The following BBX variants were observed in gnomAD, a reference collection of about 807,000 sequenced individuals.
The protein encoded by BBX is HMG box transcription factor BBX.
Under a neutral mutation model 100.2 loss-of-function variants are expected in BBX, and 30 were observed. The ratio of observed to expected loss-of-function variants is 0.30; its 90% CI spans 0.22 to 0.41. The LOEUF is 0.41. BBX is among the 10% of genes least tolerant of loss of function. The pLI is 1.00. For synonymous variants in BBX, 376 were observed against 388.1 expected (o/e 0.97, Z 0.37); for missense variants, 1,023 against 1,129.8 (o/e 0.91, Z 1.35).
chr3:107,587,657 C>T (rs2052961105), intron 2 of BBX, among the ~76,000 whole-genome samples: 1 of 152,060 alleles, frequency 6.6e-6, no homozygotes, highest in Non-Finnish European at 1.5e-5. Context: ...TAGTCGGGAT[C>T]GTGACTTAAC....
chr3:107,742,444 A>C (rs1358951910), intron 7 of BBX, among the ~76,000 whole-genome samples: 1 of 151,898 alleles, frequency 6.6e-6, no homozygotes, highest in East Asian at 1.9e-4. Flanking sequence ...CTGGCTCCTA[A>C]TTTTGTGCTG....
chr3:107,567,378 G>A (rs939587289), intron 2 of BBX, among the ~76,000 whole-genome samples: 3 of 152,020 alleles, frequency 2.0e-5, no homozygotes, highest in African/African-American at 7.2e-5. Flanking sequence ...TTGTCAAGTT[G>A]TGTTATGGGT....
chr3:107,642,325 G>A (rs2057262152), intron 2 of BBX, among the ~76,000 whole-genome samples: 1 of 152,146 alleles, frequency 6.6e-6, no homozygotes, highest in African/African-American at 2.4e-5. Context: ...TCAACATGTA[G>A]TATATAAAAT....
intron 2 of BBX, among the ~76,000 whole-genome samples, chr3:107,635,558 A>C (rs752429867): frequency 2.6e-5 from 4 of 152,236 alleles, no homozygotes; most frequent in Non-Finnish European, 4.4e-5. Context: ...ATGTGTAGTA[A>C]AAATTTCAAA....
chr3:107,663,906 C>T (rs988637054), intron 3 of BBX, among the ~76,000 whole-genome samples: 2 of 151,460 alleles, frequency 1.3e-5, no homozygotes, highest in Non-Finnish European at 1.5e-5. Context: ...CCCGGGTTCA[C>T]GCCATCCTCC....
At chr3:107,576,477 G>T in intron 2 of BBX, among the ~76,000 whole-genome samples, 1 of 152,084 alleles carries the variant, frequency 6.6e-6, no homozygotes, top group Non-Finnish European at 1.5e-5. Flanking sequence ...CTGACTTTGG[G>T]CAGTTTCTCA....
intron 3 of BBX, chr3:107,661,961 T>A: frequency 1.1e-6 from 1 of 935,788 alleles, no homozygotes; most frequent in Non-Finnish European, 1.3e-6. Context: ...CATTCAGCAT[T>A]TGTTAAGTGA....
At chr3:107,650,421 G>A (rs2057774146) in intron 3 of BBX, among the ~76,000 whole-genome samples, 1 of 151,538 alleles carries the variant, frequency 6.6e-6, no homozygotes, top group South Asian at 2.1e-4. Context: ...TGGAAAAATT[G>A]TCTTCCATGA....
In BBX at chr3:107,742,609, T is replaced by C. The variant is rs553768891; in HGVS notation, c.670-2021T>C. 4.8e-4 allele frequency among the ~76,000 whole-genome samples: 73 copies of C among 152,340 alleles called. 1 individual carries two copies. In the Middle Eastern group the frequency reaches 0.01, roughly 21 times the overall value. ...TTTAGCCATTGGATAGCATTTGTTG[T>C]ACTCCTGGCCAGGTCACTGAGATTC... On this transcript the variant is annotated intron_variant, in intron 7 of 17. Transcript: ENST00000325805.
At chr3:107,757,557 C>CT (rs1452046053) in intron 10 of BBX, among the ~76,000 whole-genome samples, 1 of 152,076 alleles carries the variant, frequency 6.6e-6, no homozygotes, top group Non-Finnish European at 1.5e-5. Context: ...AAAAAGAAAA[C>CT]TTTCTGGCAT....
At chr3:107,549,454 G>C (rs2049494008) in intron 2 of BBX, among the ~76,000 whole-genome samples, 1 of 152,144 alleles carries the variant, frequency 6.6e-6, no homozygotes, top group Non-Finnish European at 1.5e-5. Flanking sequence ...CATACTCTCA[G>C]GAATTATGCA....
chr3:107,582,566 G>A (rs560761764), intron 2 of BBX, among the ~76,000 whole-genome samples: 175 of 151,996 alleles, frequency 1.2e-3, no homozygotes, highest in African/African-American at 4.1e-3. Flanking sequence ...TTTATAGTTT[G>A]CTTGTTCGTT....
intron 3 of BBX, among the ~76,000 whole-genome samples, chr3:107,677,138 G>A (rs912259779): frequency 1.4e-4 from 21 of 152,092 alleles, no homozygotes; most frequent in Admixed American, 1.2e-3. Flanking sequence ...CTCAAACATA[G>A]CATGACATTG....
chr3:107,759,186 A>G (rs2065709605), intron 10 of BBX, among the ~76,000 whole-genome samples: 1 of 152,222 alleles, frequency 6.6e-6, no homozygotes, highest in African/African-American at 2.4e-5. Context: ...CCCTGGAGCC[A>G]GGAGATTTCC....
intron 2 of BBX, among the ~76,000 whole-genome samples, chr3:107,595,840 CTGTG>C (rs1361477032): frequency 6.6e-6 from 1 of 152,184 alleles, no homozygotes; most frequent in African/African-American, 2.4e-5. Flanking sequence ...AGTTAAAAGT[CTGTG>C]TGTAACTTTT....
chr3:107,786,461 G>A (rs1162839040), intron 13 of BBX, among the ~76,000 whole-genome samples: 3 of 152,076 alleles, frequency 2.0e-5, no homozygotes, highest in African/African-American at 7.2e-5. Flanking sequence ...ATAAATCAGT[G>A]GAATAGAATT....
At chr3:107,575,036 C>T (rs1268511831) in intron 2 of BBX, among the ~76,000 whole-genome samples, 1 of 152,172 alleles carries the variant, frequency 6.6e-6, no homozygotes, top group Admixed American at 6.5e-5. Flanking sequence ...AAAAAGGTGG[C>T]AATTATGCAA....
chr3:107,710,390 TA>T, intron 3 of BBX, 61 bp from the exon 4 acceptor site: 1 of 1,356,832 alleles, frequency 7.4e-7, no homozygotes, highest in Non-Finnish European at 1.0e-6. Context: ...TACTTTGATT[TA>T]TCTCGGTGTC....
At position 107,682,058 on chromosome 3, in the gene BBX, T is replaced by TA. The variant is rs1228604336; in HGVS notation, c.-9-28389dup. Among the ~76,000 whole-genome samples, 3 of 152,114 alleles carry TA rather than the reference T, an allele frequency of 2.0e-5. No homozygotes were observed. The East Asian group carries it at 5.8e-4, about 29-fold the overall frequency. ...ATGAAATCCAGAGGCCAATTGATAGTAAAAATCAGGTGTTGTAAAAGTGTA... is the reference window on the plus strand; with the variant it reads ...ATGAAATCCAGAGGCCAATTGATAGTAAAAAATCAGGTGTTGTAAAAGTGTA... On this transcript the variant is annotated intron_variant, in intron 3 of 17. Coordinates refer to ENST00000325805, the MANE Select transcript of BBX (RefSeq NM_001142568.3).
Sources: gnomAD v4.1 joint callset for allele counts (sites outside exome capture counted in the v4.1 genomes callset) on GRCh38, gnomAD v4.1.1 for gene constraint, MANE v1.5 for transcripts, NCBI Gene and HGNC (gene_info 2026-07-23, HGNC 2026-07-21) for gene names.